The following CCNO variants were observed in gnomAD, a reference collection of about 807,000 sequenced individuals.
CCNO encodes cyclin O, also known as cyclin-O.
Under a neutral mutation model 23.9 loss-of-function variants are expected in CCNO, and 24 were observed. The observed-to-expected ratio is 1.00, with a 90% confidence interval of 0.73 to 1.41. The LOEUF is 1.41. Among genes scored for constraint, CCNO ranks in the 40% most tolerant of loss-of-function variants. The pLI is 0.00. For synonymous variants in CCNO, 241 were observed against 225.7 expected (o/e 1.07, Z -0.61); for missense variants, 542 against 476.2 (o/e 1.14, Z -1.29).
Position 55,232,459 on chromosome 5 carries a change from T to C in CCNO, c.469A>G (p.Thr157Ala). 6.2e-7 allele frequency: 1 copy of C among 1,613,980 alleles called. No individual in the cohort carries two copies. The highest frequency in any genetic ancestry group is 8.5e-7 in the Non-Finnish European group (1 of 1,180,016). ...FGLSFESLCL[T>A]VNTLDRFLTT... ...AGGAAGCGGTCCAGAGTGTTCACCG[T>C]CAGGCACAGCGACTCGAAGGAGAGG... The change falls in exon 2 of 3, where the codon ACG becomes GCG. Residue 157 changes from threonine to alanine, a missense_variant. Thr to Ala is a moderately conservative substitution (Grantham distance 58). Coordinates refer to ENST00000282572, the MANE Select transcript of CCNO (RefSeq NM_021147.5).
Position 55,233,393 on chromosome 5 carries a change from T to TGCAG in CCNO, c.127_130dup (p.His44ProfsTer39). 6.2e-7 allele frequency: 1 copy of TGCAG among 1,610,460 alleles called. No individual in the cohort carries two copies. On this transcript the variant is annotated frameshift_variant, in exon 1 of 3. Coordinates refer to ENST00000282572, the MANE Select transcript of CCNO (RefSeq NM_021147.5). LOFTEE classifies it high-confidence loss of function. Reference sequence around the variant, plus strand: ...CGGGAGCGGGCACGGGTTCAGGGGATGCAGCGGCTGCTTCCTCCGGAGGCG... The same window carrying TGCAG: ...CGGGAGCGGGCACGGGTTCAGGGGATGCAGGCAGCGGCTGCTTCCTCCGGAGGCG...
At position 55,233,117 on chromosome 5, in the gene CCNO, T is replaced by C. The variant is rs751550412; in HGVS notation, c.381+26A>G. 5.2e-6 allele frequency: 8 copies of C among 1,528,510 alleles called. No homozygotes were observed. The South Asian group carries it at 8.5e-5, about 16-fold the overall frequency. 94.7% of individuals were successfully genotyped at this position (1,528,510 alleles called of 1,614,324 possible). On this transcript the variant is annotated intron_variant, in intron 1 of 2. Coordinates refer to ENST00000282572, the MANE Select transcript of CCNO (RefSeq NM_021147.5). ...TGGGAGGAGAGGAAGAGCGGCGGCG[T>C]GGAGCTGGCTCTACCAGCACCTCAC...
chr5:55,232,130 T>C (rs547051464), intron 2 of CCNO, among the ~76,000 whole-genome samples: 1 of 152,220 alleles, frequency 6.6e-6, no homozygotes, highest in South Asian at 2.1e-4. Flanking sequence ...TGATTACAGC[T>C]ATTAGTCTAT....
At position 55,233,133 on chromosome 5, in the gene CCNO, A is replaced by G. The variant is rs1257003515; in HGVS notation, c.381+10T>C. 1.9e-6 allele frequency: 3 copies of G among 1,539,972 alleles called. No individual in the cohort carries two copies. The highest frequency in any genetic ancestry group is 2.6e-6 in the Non-Finnish European group (3 of 1,146,186). ...GCGGCGGCGTGGAGCTGGCTCTACC[A>G]GCACCTCACTTGTGGCTGCCGTGCC... On this transcript the variant is annotated intron_variant, in intron 1 of 2. Transcript: ENST00000282572.
Position 55,233,296 on chromosome 5 carries a change from C to G in CCNO, c.228G>C (p.Ala76=). 6.3e-7 allele frequency: 1 copy of G among 1,591,870 alleles called. No homozygotes were observed. Among genetic ancestry groups the G allele is most frequent in the Non-Finnish European group, 8.5e-7 (1 of 1,171,204 alleles). ...CGGGCAGGGGGCTACCACCCCGCGC[C>G]GCAGAGGGGCTCTCTGCGCCGTCTG... ...SGSDGAESPS[A]ARGGSPLPGP... is the part of the protein sequence containing the mutation. Residue 76 remains alanine, a synonymous_variant, in exon 1 of 3, where the codon GCG becomes GCC. Transcript: ENST00000282572.
At position 55,233,366 on chromosome 5, in the gene CCNO, C is replaced by T. The variant is rs1187460945; in HGVS notation, c.158G>A (p.Gly53Glu). The T allele has an allele frequency of 6.2e-7, 1 of 1,610,258 alleles. No homozygotes were observed. Among genetic ancestry groups the T allele is most frequent in the East Asian group, 2.2e-5 (1 of 44,784 alleles). ...LHPLNPCPLPGDSGICDLFES... is the reference protein window; with the variant it reads ...LHPLNPCPLPEDSGICDLFES... ...GAACAGGTCGCAAATGCCGGAGTCT[C>T]CCGGGAGCGGGCACGGGTTCAGGGG... is the stretch of plus-strand genomic sequence containing the variant. The change falls in exon 1 of 3, where the codon GGA becomes GAA. Residue 53 changes from glycine (G) to glutamate (E), a missense_variant. By Grantham distance (98) the Gly-to-Glu change is moderately conservative (BLOSUM62 -2). Coordinates refer to ENST00000282572, the MANE Select transcript of CCNO (RefSeq NM_021147.5).
At position 55,231,304 on chromosome 5, in the gene CCNO, T is replaced by G. The variant is rs979204017; in HGVS notation, c.*71A>C. ...TGAAGCCTTCTCTGTGGACCAGTAC[T>G]GCACTCTTCTGAGGCTACGGGAGAG... On this transcript the variant is annotated 3_prime_UTR_variant, in exon 3 of 3. Transcript: ENST00000282572. 4 of 1,571,828 alleles carry G rather than the reference T, an allele frequency of 2.5e-6. No homozygotes were observed. The highest frequency in any genetic ancestry group is 3.5e-6 in the Non-Finnish European group (4 of 1,152,496).
chr5:55,231,935 CT>C, intron 2 of CCNO, 75 bp from the exon 3 acceptor site: 1 of 1,443,648 alleles, frequency 6.9e-7, no homozygotes. Context: ...GACGCCCGGA[CT>C]TTCCCCATCC....
chr5:55,233,440 C>T lies in CCNO; in HGVS notation c.84G>A (p.Pro28=), dbSNP rs755568469. ...RRDNDQNLRA[P]VKKSRRPRLR... ...GGCGCGGACGCCTGCTCTTCTTCAC[C>T]GGGGCGCGAAGGTTCTGGTCGTTGT... Residue 28 remains proline (P), a synonymous_variant, in exon 1 of 3, where the codon CCG becomes CCA. Coordinates refer to ENST00000282572, the MANE Select transcript of CCNO (RefSeq NM_021147.5). The T allele has an allele frequency of 1.1e-5, 18 of 1,605,028 alleles. No individual in the cohort carries two copies. In the Admixed American group the frequency reaches 2.9e-4, roughly 26 times the overall value.
At position 55,231,744 on chromosome 5, in the gene CCNO, CA is replaced by C; in HGVS notation, c.683del (p.Leu228ArgfsTer41). The C allele has an allele frequency of 6.4e-7, 1 of 1,574,488 alleles. No individual in the cohort carries two copies. The highest frequency in any genetic ancestry group is 8.6e-7 in the Non-Finnish European group (1 of 1,160,714). Reference protein sequence around the residue: ...CIVLHKLHFTLGAPTISFFLE... With the variant: ...CIVLHKLHFTXGAPTISFFLE... Reference sequence around the variant, plus strand: ...GGAAGAAGCTAATGGTGGGCGCACCCAGGGTGAAGTGCAGCTTGTGCAGCAC... The same window carrying C: ...GGAAGAAGCTAATGGTGGGCGCACCCGGGTGAAGTGCAGCTTGTGCAGCAC... On this transcript the variant is annotated frameshift_variant, in exon 3 of 3. Transcript: ENST00000282572. LOFTEE classifies it high-confidence loss of function.
In CCNO at chr5:55,231,720, G is replaced by C; in HGVS notation, c.708C>G (p.Phe236Leu). 2.5e-6 allele frequency: 4 copies of C among 1,578,232 alleles called. No individual in the cohort carries two copies. The highest frequency in any genetic ancestry group is 3.4e-6 in the Non-Finnish European group (4 of 1,162,482). Residue 236 changes from phenylalanine (F) to leucine (L), a missense_variant, in exon 3 of 3, where the codon TTC becomes TTG. Physicochemically the swap from Phe to Leu is conservative, Grantham distance 22. Coordinates refer to ENST00000282572, the MANE Select transcript of CCNO (RefSeq NM_021147.5). ...CGCGAGCGTGCGTGAAATGCTCCAG[G>C]AAGAAGCTAATGGTGGGCGCACCCA... Reference protein sequence around the residue: ...FTLGAPTISFFLEHFTHARVE... With the variant: ...FTLGAPTISFLLEHFTHARVE...
In CCNO at chr5:55,232,529, G is replaced by A. The variant is rs1299590826; in HGVS notation, c.399C>T (p.Arg133=). Residue 133 remains arginine, a synonymous_variant, in exon 2 of 3, where the codon CGC becomes CGT. Transcript: ENST00000282572. ...ARQPQVTAES[R]CKLLSWLIPV... ...GGATCAGCCAGCTGAGCAGCTTACA[G>A]CGGGATTCCGCCGTCACCTGCCGGG... 1.2e-6 allele frequency: 2 copies of A among 1,613,506 alleles called. No homozygotes were observed. The highest frequency in any genetic ancestry group is 1.1e-5 in the South Asian group (1 of 91,082).
chr5:55,233,261 T>G lies in CCNO; in HGVS notation c.263A>C (p.Gln88Pro), dbSNP rs1561121754. 1 of 1,589,494 alleles carries G rather than the reference T, an allele frequency of 6.3e-7. No homozygotes were observed. Among genetic ancestry groups the G allele is most frequent in the South Asian group, 1.1e-5 (1 of 88,200 alleles). ...CTGTAGATCTAGCTGCGCCACGGGC[T>G]GGGCCGGGCCGGGCAGGGGGCTACC... Reference protein sequence around the residue: ...RGGSPLPGPAQPVAQLDLQTF... With the variant: ...RGGSPLPGPAPPVAQLDLQTF... The change falls in exon 1 of 3, where the codon CAG (glutamine) becomes CCG (proline). Residue 88 changes from glutamine to proline, a missense_variant. Gln to Pro is a moderately conservative substitution (Grantham distance 76). Coordinates refer to ENST00000282572, the MANE Select transcript of CCNO (RefSeq NM_021147.5).
In CCNO at chr5:55,232,480, A is replaced by C. The variant is rs1458358385; in HGVS notation, c.448T>G (p.Ser150Ala). 1 of 1,613,956 alleles carries C rather than the reference A, an allele frequency of 6.2e-7. No homozygotes were observed. Reference protein sequence around the residue: ...LIPVHRQFGLSFESLCLTVNT... With the variant: ...LIPVHRQFGLAFESLCLTVNT... ...ACCGTCAGGCACAGCGACTCGAAGG[A>C]GAGGCCGAATTGGCGGTGCACCGGG... The change falls in exon 2 of 3, where the codon TCC (serine) becomes GCC (alanine). Residue 150 changes from serine to alanine, a missense_variant. By Grantham distance (99) the Ser-to-Ala change is moderately conservative (BLOSUM62 1). Transcript: ENST00000282572.
chr5:55,233,097 G>T (rs369019059), intron 1 of CCNO, 46 bp downstream of exon 1: 1 of 1,521,372 alleles, frequency 6.6e-7, no homozygotes, highest in Admixed American at 2.1e-5. Context: ...GAGCCTGGGA[G>T]GAGAGGAAGA....
rs763594244 is a variant in CCNO, at chr5:55,233,266, CG to C, written c.257del (p.Pro86ArgfsTer8). 1 of 1,589,752 alleles carries C rather than the reference CG, an allele frequency of 6.3e-7. No individual in the cohort carries two copies. The highest frequency in any genetic ancestry group is 1.8e-5 in the Admixed American group (1 of 56,458). ...GATCTAGCTGCGCCACGGGCTGGGC[CG>C]GGCCGGGCAGGGGGCTACCACCCCG... ...AARGGSPLPG[P>X]AQPVAQLDLQ... On this transcript the variant is annotated frameshift_variant, in exon 1 of 3. Transcript: ENST00000282572. LOFTEE classifies it high-confidence loss of function.
chr5:55,232,548 T>C lies in CCNO; in HGVS notation c.382-2A>G. 1 of 1,613,284 alleles carries C rather than the reference T, an allele frequency of 6.2e-7. No individual in the cohort carries two copies. Among genetic ancestry groups the C allele is most frequent in the Non-Finnish European group, 8.5e-7 (1 of 1,179,950 alleles). ...CTTACAGCGGGATTCCGCCGTCACC[T>C]GCCGGGAAGGAGGGGGGAGGCGGGC... is the stretch of plus-strand genomic sequence containing the variant. On this transcript the variant is annotated splice_acceptor_variant, in intron 1 of 2. Coordinates refer to ENST00000282572, the MANE Select transcript of CCNO (RefSeq NM_021147.5). LOFTEE classifies it high-confidence loss of function.
Position 55,233,222 on chromosome 5 carries a change from T to C in CCNO, c.302A>G (p.Tyr101Cys). 1 of 1,575,488 alleles carries C rather than the reference T, an allele frequency of 6.3e-7. No individual in the cohort carries two copies. The highest frequency in any genetic ancestry group is 1.2e-5 in the South Asian group (1 of 86,660). Reference protein sequence around the residue: ...AQLDLQTFRDYGQSCYAFRKA... With the variant: ...AQLDLQTFRDCGQSCYAFRKA... ...GCGGAAGGCGTAGCAGCTCTGGCCG[T>C]AGTCGCGGAAGGTCTGTAGATCTAG... Residue 101 changes from tyrosine to cysteine, a missense_variant, in exon 1 of 3, where the codon TAC (tyrosine) becomes TGC (cysteine). By Grantham distance (194) the Tyr-to-Cys change is radical. Transcript: ENST00000282572.
At chr5:55,232,696 G>A (rs573986503) in intron 1 of CCNO, 150 bp from the exon 2 acceptor site, 2 of 753,310 alleles carry the variant, frequency 2.7e-6, no homozygotes. Context: ...ACTGGGAAAC[G>A]CGTGGGCCGT....
Sources: gnomAD v4.1 joint callset for allele counts (sites outside exome capture counted in the v4.1 genomes callset) on GRCh38, gnomAD v4.1.1 for gene constraint, MANE v1.5 for transcripts, NCBI Gene and HGNC (gene_info 2026-07-23, HGNC 2026-07-21) for gene names.